Variants in ADPRM observed in about 807,000 individuals in gnomAD.
ADPRM encodes ADP-ribose/CDP-alcohol diphosphatase, manganese dependent.
In ADPRM, 17 loss-of-function variants were observed where a neutral mutation model predicts 27.2. The observed-to-expected ratio is 0.63, with a 90% CI of 0.43 to 0.94. The LOEUF is 0.94. ADPRM is among the 40% of genes least tolerant of loss of function. The pLI is 0.00. For missense variants in ADPRM, 337 were observed against 412.8 expected, an observed-to-expected ratio of 0.82 and a Z score of 1.59; for synonymous variants, 135 against 145.3, an observed-to-expected ratio of 0.93 and a Z score of 0.51.
At chr17:10,701,485 C>T (rs2074778009) in intron 1 of ADPRM, among the ~76,000 whole-genome samples, 1 of 152,100 alleles carries the variant, frequency 6.6e-6, no homozygotes, top group Non-Finnish European at 1.5e-5. Context: ...CGCCTGCCAC[C>T]ACACCCGGCT....
chr17:10,699,620 G>A (rs980449375), intron 1 of ADPRM, among the ~76,000 whole-genome samples: 2 of 150,888 alleles, frequency 1.3e-5, no homozygotes, highest in African/African-American at 4.9e-5. Flanking sequence ...CGCCTCCTGG[G>A]TTCAAGCGAT....
At chr17:10,709,034 T>G (rs1277304670) in intron 3 of ADPRM, among the ~76,000 whole-genome samples, 2 of 152,236 alleles carry the variant, frequency 1.3e-5, no homozygotes, top group Admixed American at 1.3e-4. Context: ...ACGGAATGAT[T>G]GAAGTTTTCT....
chr17:10,697,612 T>C lies in ADPRM; in HGVS notation c.-73T>C. On this transcript the variant is annotated 5_prime_UTR_variant, in exon 1 of 4. Coordinates refer to ENST00000379774, the MANE Select transcript of ADPRM (RefSeq NM_020233.5). ...TCGCTCTGTCCGTCCCGCTCGTTGG[T>C]GGCGCTGTTACATAGCCCGTAGTCA... is the stretch of plus-strand genomic sequence containing the variant. 7.0e-7 allele frequency: 1 copy of C among 1,419,994 alleles called. No individual in the cohort carries two copies. The highest frequency in any genetic ancestry group is 1.2e-5 in the South Asian group (1 of 83,332). 88.0% of individuals were successfully genotyped at this position (1,419,994 alleles called of 1,614,324 possible).
At position 10,705,720 on chromosome 17, in the gene ADPRM, C is replaced by A; in HGVS notation, c.601+193C>A. On this transcript the variant is annotated intron_variant, in intron 2 of 3. Transcript: ENST00000379774. The surrounding 1 kb of genome is among the most constrained non-coding windows in gnomAD (Gnocchi z 5.4). Reference sequence around the variant, plus strand: ...ATTGATTTAACAGATATTTTAAATGCCTATTTTAGGCCAGGCACTTTTTCT... The same window carrying A: ...ATTGATTTAACAGATATTTTAAATGACTATTTTAGGCCAGGCACTTTTTCT... 1.1e-6 allele frequency: 1 copy of A among 923,238 alleles called. No individual in the cohort carries two copies. The highest frequency in any genetic ancestry group is 1.6e-6 in the Non-Finnish European group (1 of 641,364). 57.2% of individuals were successfully genotyped at this position (923,238 alleles called of 1,614,324 possible).
At chr17:10,700,657 G>A (rs2151461503) in intron 1 of ADPRM, among the ~76,000 whole-genome samples, 1 of 151,598 alleles carries the variant, frequency 6.6e-6, no homozygotes, top group Non-Finnish European at 1.5e-5. Flanking sequence ...TTAGCTACCA[G>A]GGAGGCTGAA....
chr17:10,709,857 G>A (rs751008163), intron 3 of ADPRM, among the ~76,000 whole-genome samples: 14 of 152,226 alleles, frequency 9.2e-5, no homozygotes, highest in South Asian at 2.1e-4. Flanking sequence ...AGTGAGAACC[G>A]TGGCTTGATC....
intron 3 of ADPRM, among the ~76,000 whole-genome samples, chr17:10,708,172 C>T (rs1315440904): frequency 6.6e-5 from 10 of 151,926 alleles, no homozygotes; most frequent in African/African-American, 1.5e-4. Context: ...GACTCACGCC[C>T]GTAATCCCAG....
Position 10,706,535 on chromosome 17 carries a change from A to G in ADPRM, c.699A>G (p.Gln233=), listed in dbSNP as rs116139089. 6.3e-4 allele frequency: 991 copies of G among 1,580,240 alleles called. 4 individuals carry two copies. In the African/African-American group the frequency reaches 0.012, roughly 19 times the overall value. The change falls in exon 3 of 4, where the codon CAA becomes CAG. Residue 233 remains glutamine, a synonymous_variant. Coordinates refer to ENST00000379774, the MANE Select transcript of ADPRM (RefSeq NM_020233.5). ...TGCTAACATTCTCTGACACAAACCA[A>G]GAAAAGGTGGTGATTGTGAGTAAGT... The part of the protein sequence containing the change: ...NEVLTFSDTN[Q]EKVVIVSHLP...
chr17:10,711,198 C>CA lies in ADPRM; in HGVS notation c.*61dup. ...GAGCTTTGTGTTTGTCCCTCCTAAA[C>CA]AAAAAAATAAAAATCCTCTGTCTCA... On this transcript the variant is annotated 3_prime_UTR_variant, in exon 4 of 4. Transcript: ENST00000379774. 9 of 1,408,124 alleles carry CA rather than the reference C, an allele frequency of 6.4e-6. No homozygotes were observed. The highest frequency in any genetic ancestry group is 8.7e-6 in the Non-Finnish European group (9 of 1,038,942). 87.2% of individuals were successfully genotyped at this position (1,408,124 alleles called of 1,614,324 possible). A position where few individuals can be genotyped will look rare whatever the true frequency, so the allele number is the denominator to read the frequency against.
intron 3 of ADPRM, among the ~76,000 whole-genome samples, chr17:10,709,344 A>G (rs1369545555): frequency 6.6e-6 from 1 of 152,224 alleles, no homozygotes; most frequent in Admixed American, 6.5e-5. Context: ...GCTAGATAAT[A>G]AACGTGGAAG....
chr17:10,705,645 C>T lies in ADPRM; in HGVS notation c.601+118C>T. The T allele has an allele frequency of 3.6e-6, 5 of 1,407,736 alleles. No homozygotes were observed. Among genetic ancestry groups the T allele is most frequent in the East Asian group, 2.4e-5 (1 of 41,306 alleles). The allele number at this position is 1,407,736 out of a possible 1,614,324, so 87.2% of individuals were successfully genotyped here. The stretch of plus-strand genomic sequence containing the variant: ...AAGTATATTGTCACTTGTTCAGGGT[C>T]AGGATTTCTCACAAGCCTTCTCACA... On this transcript the variant is annotated intron_variant, in intron 2 of 3. Coordinates refer to ENST00000379774, the MANE Select transcript of ADPRM (RefSeq NM_020233.5). This position sits in a 1 kb window ranked among gnomAD's most constrained non-coding sequence, Gnocchi z 5.4.
At chr17:10,697,806 G>A (rs1597512270) in intron 1 of ADPRM, 139 bp downstream of exon 1, 2 of 281,920 alleles carry the variant, frequency 7.1e-6, no homozygotes, top group Non-Finnish European at 1.2e-5. Flanking sequence ...GCGGCCCCAA[G>A]CGCTGGGGGC....
intron 1 of ADPRM, among the ~76,000 whole-genome samples, chr17:10,699,518 CTTTTTTTT>C: frequency 8.8e-6 from 1 of 113,320 alleles, no homozygotes; most frequent in South Asian, 2.9e-4. Context: ...TCTTTTCTTT[CTTTTTTTT>C]TTTTTTTTTT....
chr17:10,699,259 A>T (rs2074758676), intron 1 of ADPRM: 1 of 151,972 alleles, frequency 6.6e-6, no homozygotes, highest in Admixed American at 6.6e-5. Context: ...ACAAAGCAAG[A>T]CTCTGCCTCT....
At chr17:10,706,955 G>T (rs1181785030) in intron 3 of ADPRM, among the ~76,000 whole-genome samples, 1 of 152,016 alleles carries the variant, frequency 6.6e-6, no homozygotes, top group Non-Finnish European at 1.5e-5. Context: ...TTAACATTTT[G>T]TAAAACTTTA....
chr17:10,710,570 C>T (rs1299159997), intron 3 of ADPRM, among the ~76,000 whole-genome samples: 3 of 152,158 alleles, frequency 2.0e-5, no homozygotes, highest in East Asian at 1.9e-4. Flanking sequence ...CTTGAGATGA[C>T]GTAGGCCTCA....
intron 3 of ADPRM, among the ~76,000 whole-genome samples, chr17:10,707,336 T>C (rs1177693674): frequency 6.6e-6 from 1 of 152,114 alleles, no homozygotes; most frequent in African/African-American, 2.4e-5. Flanking sequence ...GTTGTGCCAC[T>C]GCACTCCAGC....
intron 1 of ADPRM, among the ~76,000 whole-genome samples, chr17:10,701,411 A>G (rs929895618): frequency 6.6e-6 from 1 of 151,966 alleles, no homozygotes; most frequent in African/African-American, 2.4e-5. Context: ...GCTCACTGCA[A>G]GCTCCGCCTC....
At chr17:10,703,201 A>G (rs1464347347) in intron 1 of ADPRM, among the ~76,000 whole-genome samples, 5 of 143,772 alleles carry the variant, frequency 3.5e-5, no homozygotes, top group African/African-American at 1.3e-4. Flanking sequence ...AACCTAACAT[A>G]AGGCTAAAGA....
Sources: gnomAD v4.1 joint callset for allele counts (sites outside exome capture counted in the v4.1 genomes callset) on GRCh38, gnomAD v4.1.1 for gene constraint, Gnocchi (gnomAD v3.1) non-coding constraint, MANE v1.5 for transcripts, NCBI Gene and HGNC (gene_info 2026-07-23, HGNC 2026-07-21) for gene names.